Variants in NFATC3 observed in about 807,000 individuals in gnomAD.
The protein encoded by NFATC3 is nuclear factor of activated T-cells, cytoplasmic 3.
In NFATC3, 46 loss-of-function variants were observed where a neutral mutation model predicts 98.6. The observed-to-expected ratio is 0.47, with a 90% CI of 0.37 to 0.60. The LOEUF is 0.60. Among genes scored for constraint, NFATC3 ranks in the 20% least tolerant of loss-of-function variants. NFATC3 has a pLI of 0.00. For synonymous variants in NFATC3, 512 were observed against 472.2 expected, an observed-to-expected ratio of 1.08 and a Z score of -1.09; for missense variants, 1,256 against 1,295.5, an observed-to-expected ratio of 0.97 and a Z score of 0.47.
At chr16:68,107,064 T>C (rs1254530096) in intron 1 of NFATC3, among the ~76,000 whole-genome samples, 2 of 152,112 alleles carry the variant, frequency 1.3e-5, no homozygotes, top group East Asian at 3.8e-4. Flanking sequence ...GGCTTCCAGC[T>C]CCATCCATGA....
At chr16:68,198,056 A>G (rs919666410) in intron 9 of NFATC3, among the ~76,000 whole-genome samples, 4 of 152,172 alleles carry the variant, frequency 2.6e-5, no homozygotes, top group African/African-American at 9.7e-5. Context: ...ATGGTGGCTC[A>G]CGCTTGTAGT....
At chr16:68,196,035 A>G (rs1869801756) in intron 9 of NFATC3, among the ~76,000 whole-genome samples, 2 of 151,780 alleles carry the variant, frequency 1.3e-5, no homozygotes, top group Non-Finnish European at 1.5e-5. Flanking sequence ...TTTTTGTTAA[A>G]ACGCACTTCT....
In NFATC3 at chr16:68,228,390, C is replaced by G. The variant is rs1831695713; in HGVS notation, c.*1919C>G. ...AGAAATGGCCAGACTTGCCCCTACC[C>G]TTTTGCCCCTGGTGTAGCTGCCTCA... On this transcript the variant is annotated 3_prime_UTR_variant, in exon 10 of 10. Transcript: ENST00000346183. 1 of 152,170 alleles carries G rather than the reference C, an allele frequency of 6.6e-6. No individual in the cohort carries two copies. The highest frequency in any genetic ancestry group is 2.4e-5 in the African/African-American group (1 of 41,428). The allele number at this position is 152,170 out of a possible 1,614,324, so 9.4% of individuals were successfully genotyped here.
chr16:68,123,877 A>G (rs2036684252), intron 2 of NFATC3, among the ~76,000 whole-genome samples: 1 of 151,322 alleles, frequency 6.6e-6, no homozygotes. Flanking sequence ...CCCAGGTACT[A>G]GGGAGGCTGA....
chr16:68,169,183 A>G (rs868775689), intron 5 of NFATC3, among the ~76,000 whole-genome samples: 15 of 152,228 alleles, frequency 9.9e-5, no homozygotes, highest in African/African-American at 3.6e-4. Context: ...TCTTGCTTAG[A>G]AACAGCTACC....
chr16:68,146,838 G>A (rs942341205), intron 3 of NFATC3, among the ~76,000 whole-genome samples: 1 of 152,268 alleles, frequency 6.6e-6, no homozygotes, highest in Non-Finnish European at 1.5e-5. Flanking sequence ...GAAGCAGAGG[G>A]TGGACTGAAG....
At chr16:68,098,300 A>ATTATTTTT (rs1461722980) in intron 1 of NFATC3, among the ~76,000 whole-genome samples, 1 of 94,340 alleles carries the variant, frequency 1.1e-5, no homozygotes, top group African/African-American at 4.5e-5. Flanking sequence ...TATTATTATT[A>ATTATTTTT]TTTTTTTTTT....
rs2040405985 is a variant in NFATC3 at position 68,191,079 on chromosome 16, C to G, written c.2410C>G (p.Pro804Ala). ...ACCTCCTGTGGGGTCTTCCTATCAGCCTATGCAAACTAATGTTGTGTACAA... is the reference window on the plus strand; with the variant it reads ...ACCTCCTGTGGGGTCTTCCTATCAGGCTATGCAAACTAATGTTGTGTACAA... The part of the protein sequence containing the change: ...PTPPVGSSYQ[P>A]MQTNVVYNGP... The change falls in exon 9 of 10, where the codon CCT becomes GCT. Residue 804 changes from proline to alanine, a missense_variant. Pro to Ala is a conservative substitution (Grantham distance 27). Transcript: ENST00000346183. 6.2e-7 allele frequency: 1 copy of G among 1,614,076 alleles called. No individual in the cohort carries two copies. The highest frequency in any genetic ancestry group is 8.5e-7 in the Non-Finnish European group (1 of 1,180,048).
At chr16:68,209,176 A>G (rs1011980584) in intron 9 of NFATC3, among the ~76,000 whole-genome samples, 60 of 152,040 alleles carry the variant, frequency 3.9e-4, no homozygotes, top group African/African-American at 1.4e-3. Flanking sequence ...TTCTTTGTTT[A>G]TTGAATGTTT....
intron 4 of NFATC3, among the ~76,000 whole-genome samples, chr16:68,163,315 C>A (rs1001148889): frequency 6.6e-6 from 1 of 150,806 alleles, no homozygotes; most frequent in Non-Finnish European, 1.5e-5. Context: ...TAGGGGCGGC[C>A]GGGCAGAGGC....
intron 9 of NFATC3, chr16:68,221,321 G>C (rs758697499): frequency 6.2e-7 from 1 of 1,609,618 alleles, no homozygotes; most frequent in South Asian, 1.1e-5. Context: ...GCCCGAGGGA[G>C]AAGTGAGGGA....
Position 68,229,220 on chromosome 16 carries a change from T to G in NFATC3, c.*2749T>G, listed in dbSNP as rs141967104. On this transcript the variant is annotated 3_prime_UTR_variant, in exon 10 of 10. Transcript: ENST00000346183. ...AGAGCCAGCAGTTGAGGCTCCTCAG[T>G]TTTAGTGCTGAAATAATAAACAGTG... 2.0e-5 allele frequency: 3 copies of G among 152,330 alleles called. No individual in the cohort carries two copies. The East Asian group carries it at 5.8e-4, about 29-fold the overall frequency. 9.4% of individuals were successfully genotyped at this position (152,330 alleles called of 1,614,324 possible). A position where few individuals can be genotyped will look rare whatever the true frequency, so the allele number is the denominator to read the frequency against.
intron 6 of NFATC3, among the ~76,000 whole-genome samples, chr16:68,179,868 G>A (rs1025709047): frequency 6.6e-6 from 1 of 152,174 alleles, no homozygotes; most frequent in Non-Finnish European, 1.5e-5. Context: ...AAAGGGCTGG[G>A]AGAAAAATAC....
Position 68,148,522 on chromosome 16 carries a change from A to G in NFATC3, c.1402-9347A>G, listed in dbSNP as rs538774882. Among the ~76,000 whole-genome samples, 20 of 152,358 alleles carry G rather than the reference A, an allele frequency of 1.3e-4. No homozygotes were observed. In the South Asian group the frequency reaches 3.5e-3, roughly 27 times the overall value. ...TAAATGTAATAAATTGAACAGGTTT[A>G]CTTTCACTAAACATAAGACAGCTGT... On this transcript the variant is annotated intron_variant, in intron 3 of 9. Transcript: ENST00000346183.
intron 1 of NFATC3, among the ~76,000 whole-genome samples, chr16:68,097,707 A>G (rs575234080): frequency 6.6e-6 from 1 of 150,636 alleles, no homozygotes; most frequent in South Asian, 2.1e-4. Context: ...GGTTTTATCT[A>G]TTTCAACAGC....
intron 9 of NFATC3, among the ~76,000 whole-genome samples, chr16:68,215,745 T>TTTTTTTTGG (rs1237092915): frequency 6.7e-6 from 1 of 148,344 alleles, no homozygotes; most frequent in Non-Finnish European, 1.5e-5. Flanking sequence ...TTTTTTTTTT[T>TTTTTTTTGG]GAGATGGAGT....
intron 9 of NFATC3, among the ~76,000 whole-genome samples, chr16:68,218,713 C>A (rs1295537846): frequency 6.6e-6 from 1 of 150,836 alleles, no homozygotes; most frequent in Non-Finnish European, 1.5e-5. Flanking sequence ...GCTGGGACTA[C>A]AGGTGCCTGC....
chr16:68,152,575 A>G (rs9938701), intron 3 of NFATC3, among the ~76,000 whole-genome samples: 345 of 152,092 alleles, frequency 2.3e-3, no homozygotes, highest in African/African-American at 7.9e-3. Flanking sequence ...TAGTCGTGCA[A>G]TCATAGCTCA....
chr16:68,109,251 G>A (rs1368055959), intron 1 of NFATC3, among the ~76,000 whole-genome samples: 6 of 152,040 alleles, frequency 3.9e-5, no homozygotes, highest in Non-Finnish European at 8.8e-5. Flanking sequence ...TTGTTCCTCC[G>A]ATACCTAGTT....
Sources: gnomAD v4.1 joint callset for allele counts (sites outside exome capture counted in the v4.1 genomes callset) on GRCh38, gnomAD v4.1.1 for gene constraint, MANE v1.5 for transcripts, NCBI Gene and HGNC (gene_info 2026-07-23, HGNC 2026-07-21) for gene names.